EXOC3: variants seen among roughly 807,000 people sequenced by gnomAD.
The protein encoded by EXOC3 is exocyst complex component 3, also known as SEC6-like 1.
Under a neutral mutation model 73.7 loss-of-function variants are expected in EXOC3, and 21 were observed. The ratio of observed to expected loss-of-function variants is 0.29; its 90% CI spans 0.20 to 0.41. The LOEUF (loss-of-function observed/expected upper bound fraction) is 0.41, where lower values mean the gene tolerates loss of function less well. Ranked by LOEUF, EXOC3 falls within the 10% of genes least tolerant of loss-of-function variation. The pLI is 1.00. For synonymous variants in EXOC3, 410 were observed against 389.1 expected (o/e 1.05, Z -0.63); for missense variants, 842 against 985.1 (o/e 0.85, Z 1.95).
chr5:459,194 T>TA (rs1335225885), intron 6 of EXOC3, among the ~76,000 whole-genome samples, 165 bp from the exon 7 acceptor site: 3 of 141,822 alleles, frequency 2.1e-5, no homozygotes. Flanking sequence ...TTTTTTTTTT[T>TA]AAACTAACTT....
At chr5:462,408 G>T (rs146592938) in intron 9 of EXOC3, 101 bp downstream of exon 9, 2 of 1,358,464 alleles carry the variant, frequency 1.5e-6, no homozygotes, top group African/African-American at 1.4e-5. Flanking sequence ...TGCGGATGCC[G>T]TCTGGGGAGC....
chr5:445,946 T>C (rs1737494066), intron 1 of EXOC3, among the ~76,000 whole-genome samples: 1 of 152,220 alleles, frequency 6.6e-6, no homozygotes, highest in South Asian at 2.1e-4. Flanking sequence ...GCCCCTGCTC[T>C]CCCCTTAAAG....
chr5:465,384 C>CG lies in EXOC3; in HGVS notation c.1938+118dup, dbSNP rs1486491346. 80 of 1,219,596 alleles carry CG rather than the reference C, an allele frequency of 6.6e-5. No individual in the cohort carries two copies. The South Asian group carries it at 7.8e-4, about 12-fold the overall frequency. 75.5% of individuals were successfully genotyped at this position (1,219,596 alleles called of 1,614,324 possible). On this transcript the variant is annotated intron_variant, in intron 11 of 12. Transcript: ENST00000512944. ...GGGAGTGTGTCGTGTGTTTGTCAGGCGGGGGGAGCCTGGGTCCAGGTCCTG... is the reference window on the plus strand; with the variant it reads ...GGGAGTGTGTCGTGTGTTTGTCAGGCGGGGGGGAGCCTGGGTCCAGGTCCTG...
At chr5:447,868 T>A (rs540407612) in intron 3 of EXOC3, 116 bp downstream of exon 3, 1 of 703,330 alleles carries the variant, frequency 1.4e-6, no homozygotes. Context: ...AGACGGTAAG[T>A]GTGATTCTTG....
At chr5:445,088 A>C (rs1183667861) in intron 1 of EXOC3, 1 of 152,288 alleles carries the variant, frequency 6.6e-6, no homozygotes, top group Non-Finnish European at 1.5e-5. Context: ...ATATTCATGA[A>C]GATGAAAATC....
chr5:460,442 G>A (rs1455148926), intron 7 of EXOC3, among the ~76,000 whole-genome samples: 1 of 152,202 alleles, frequency 6.6e-6, no homozygotes, highest in Non-Finnish European at 1.5e-5. Flanking sequence ...CATAGGTCCT[G>A]TCCTGGTGGC....
At position 465,129 on chromosome 5, in the gene EXOC3, C is replaced by A; in HGVS notation, c.1795C>A (p.His599Asn). 1 of 1,587,924 alleles carries A rather than the reference C, an allele frequency of 6.3e-7. No individual in the cohort carries two copies. Among genetic ancestry groups the A allele is most frequent in the Admixed American group, 1.8e-5 (1 of 56,146 alleles). The change falls in exon 11 of 13, where the codon CAC becomes AAC. Residue 599 changes from histidine (H) to asparagine (N), a missense_variant. Coordinates refer to ENST00000512944, the MANE Select transcript of EXOC3 (RefSeq NM_007277.5). ...PYKKRMTAEA[H>N]RRVVVEYLRA... ...TCCCCAGAGGATGACGGCCGAGGCGCACCGGCGCGTGGTGGTGGAGTACCT... is the reference window on the plus strand; with the variant it reads ...TCCCCAGAGGATGACGGCCGAGGCGAACCGGCGCGTGGTGGTGGAGTACCT...
chr5:463,836 A>C (rs894487569), intron 9 of EXOC3, among the ~76,000 whole-genome samples: 4 of 152,268 alleles, frequency 2.6e-5, no homozygotes, highest in African/African-American at 9.6e-5. Flanking sequence ...GAATTGGGCA[A>C]ATAAATACGA....
chr5:466,617 C>A, intron 12 of EXOC3, 110 bp from the exon 13 acceptor site: 1 of 1,075,880 alleles, frequency 9.3e-7, no homozygotes, highest in South Asian at 1.7e-5. Flanking sequence ...CTGCAGCGGT[C>A]CTCACCCCCT....
chr5:446,471 T>G (rs775278474), intron 2 of EXOC3, 122 bp downstream of exon 2: 10 of 882,092 alleles, frequency 1.1e-5, no homozygotes, highest in Non-Finnish European at 1.7e-5. Flanking sequence ...AGCTGGACTT[T>G]CTTGAGCAGT....
chr5:452,128 T>C (rs1414328293), intron 3 of EXOC3, among the ~76,000 whole-genome samples: 3 of 152,186 alleles, frequency 2.0e-5, no homozygotes, highest in Admixed American at 6.5e-5. Flanking sequence ...TCTTGCCCAT[T>C]TCTCTCTTCT....
rs773763826 is a variant in EXOC3 at position 466,920 on chromosome 5, C to T, written c.*22C>T. 28 of 1,574,220 alleles carry T rather than the reference C, an allele frequency of 1.8e-5. No homozygotes were observed. Among genetic ancestry groups the T allele is most frequent in the East Asian group, 4.7e-5 (2 of 42,306 alleles). On this transcript the variant is annotated 3_prime_UTR_variant, in exon 13 of 13. Coordinates refer to ENST00000512944, the MANE Select transcript of EXOC3 (RefSeq NM_007277.5). ...GTAGCCTCCGCCGGCCTGCCCTGCT[C>T]GCCCCTCCACAGCCTCGGTCCCTGC...
At chr5:464,872 C>A in intron 10 of EXOC3, 1 of 565,962 alleles carries the variant, frequency 1.8e-6, no homozygotes, top group South Asian at 2.2e-5. Flanking sequence ...CTGCCTCGCC[C>A]GCGTCTGTCC....
At chr5:444,372 G>T (rs1737440386) in intron 1 of EXOC3, among the ~76,000 whole-genome samples, 1 of 152,214 alleles carries the variant, frequency 6.6e-6, no homozygotes, top group Non-Finnish European at 1.5e-5. Flanking sequence ...CTGCTTCACA[G>T]CTCTCCACTC....
chr5:464,945 GC>G (rs1340396004), intron 10 of EXOC3, 165 bp from the exon 11 acceptor site: 1 of 713,252 alleles, frequency 1.4e-6, no homozygotes, highest in Non-Finnish European at 2.3e-6. Flanking sequence ...CCCCCACTGA[GC>G]CCCCGCTCCT....
At chr5:461,727 A>C (rs911906658) in intron 7 of EXOC3, 3 of 518,346 alleles carry the variant, frequency 5.8e-6, no homozygotes, top group Non-Finnish European at 1.0e-5. Flanking sequence ...TCAGCCTCCT[A>C]ATGAGCCATA....
At chr5:466,600 A>G in intron 12 of EXOC3, 127 bp from the exon 13 acceptor site, 1 of 819,986 alleles carries the variant, frequency 1.2e-6, no homozygotes, top group Non-Finnish European at 1.9e-6. Context: ...GGAAAGGTGC[A>G]ATTTGTCTGC....
intron 6 of EXOC3, among the ~76,000 whole-genome samples, chr5:458,784 G>C (rs947558408): frequency 6.6e-6 from 1 of 152,236 alleles, no homozygotes; most frequent in Non-Finnish European, 1.5e-5. Context: ...CAGGACTCTA[G>C]TTAGGCAGGA....
At chr5:454,403 C>T (rs548889672) in intron 4 of EXOC3, among the ~76,000 whole-genome samples, 6 of 152,374 alleles carry the variant, frequency 3.9e-5, no homozygotes, top group African/African-American at 1.2e-4. Flanking sequence ...CCCCATTTTA[C>T]AGGTGAGGAC....
Sources: gnomAD v4.1 joint callset for allele counts (sites outside exome capture counted in the v4.1 genomes callset) on GRCh38, gnomAD v4.1.1 for gene constraint, MANE v1.5 for transcripts, NCBI Gene and HGNC (gene_info 2026-07-23, HGNC 2026-07-21) for gene names.